ANHX: variants seen among roughly 807,000 people sequenced by gnomAD.
The protein encoded by ANHX is anomalous homeobox, also known as anomalous homeobox protein.
In ANHX, 20 loss-of-function variants were observed where a neutral mutation model predicts 38.9. The observed-to-expected ratio is 0.51, with a 90% CI of 0.36 to 0.75. ANHX has a LOEUF of 0.75. Among genes scored for constraint, ANHX ranks in the 30% least tolerant of loss-of-function variants. ANHX has a pLI of 0.00. For missense variants in ANHX, 475 were observed against 493.1 expected, an observed-to-expected ratio of 0.96 and a Z score of 0.35; for synonymous variants, 185 against 203.1, an observed-to-expected ratio of 0.91 and a Z score of 0.76.
chr12:133,231,511 G>A lies in ANHX; in HGVS notation c.377+6C>T. The A allele has an allele frequency of 3.3e-6, 5 of 1,536,114 alleles. No individual in the cohort carries two copies. The highest frequency in any genetic ancestry group is 2.0e-5 in the Admixed American group (1 of 50,996). The stretch of plus-strand genomic sequence containing the variant: ...AAATATGCACAAGTAAATGCTTGTA[G>A]GTTACCTCTTCCTGCAGCGGAACTT... On this transcript the variant is annotated splice_donor_region_variant and intron_variant, in intron 3 of 9. Transcript: ENST00000545940.
chr12:133,222,000 G>T lies in ANHX; in HGVS notation c.1133-648C>A, dbSNP rs992283825. On this transcript the variant is annotated intron_variant, in intron 7 of 9. Coordinates refer to ENST00000545940, the MANE Select transcript of ANHX (RefSeq NM_001372060.1). This position sits in a 1 kb window ranked among gnomAD's most constrained non-coding sequence, Gnocchi z 4.1. ...AAGATGGCCCTGATCTCAAGACATG[G>T]AACAAGCGGCCTGGGGGTGAGGCTC... Among the ~76,000 whole-genome samples, 13 of 152,122 alleles carry T rather than the reference G, an allele frequency of 8.5e-5. No individual in the cohort carries two copies. The highest frequency in any genetic ancestry group is 4.4e-5 in the Non-Finnish European group (3 of 68,028).
At chr12:133,219,500 C>T (rs1466559487) in intron 8 of ANHX, 133 bp from the exon 9 acceptor site, 2 of 635,152 alleles carry the variant, frequency 3.1e-6, no homozygotes, top group Non-Finnish European at 5.4e-6. Context: ...GACTCTCTTC[C>T]TGCAGGGCTG....
At chr12:133,226,504 G>A (rs1957191393) in intron 5 of ANHX, 66 bp from the exon 6 acceptor site, 4 of 1,482,324 alleles carry the variant, frequency 2.7e-6, no homozygotes, top group Non-Finnish European at 3.6e-6. Flanking sequence ...TTCCCATCAG[G>A]TATGAGCAGC....
Position 133,234,289 on chromosome 12 carries a change from G to A in ANHX, c.68C>T (p.Thr23Ile). ...DTCAPPAELV[T>I]LAGRLCRDFQ... ...GTCCCGGCACAGTCTGCCCGCAAGG[G>A]TCACCAGCTCCGCCGGGGGTGCACA... The change falls in exon 2 of 10, where the codon ACC becomes ATC. Residue 23 changes from threonine to isoleucine, a missense_variant. Thr to Ile is a moderately conservative substitution (Grantham distance 89, BLOSUM62 -1). Transcript: ENST00000545940. The A allele has an allele frequency of 2.0e-6, 3 of 1,536,184 alleles. No homozygotes were observed. The highest frequency in any genetic ancestry group is 2.7e-5 in the African/African-American group (2 of 73,190).
intron 7 of ANHX, among the ~76,000 whole-genome samples, chr12:133,225,008 G>A (rs952437260): frequency 6.6e-6 from 1 of 151,878 alleles, no homozygotes; most frequent in African/African-American, 2.4e-5. Flanking sequence ...AGAAATTTGG[G>A]TGAATTCATA....
intron 8 of ANHX, 74 bp from the exon 9 acceptor site, chr12:133,219,441 C>A: frequency 9.8e-7 from 1 of 1,020,046 alleles, no homozygotes; most frequent in African/African-American, 1.6e-5. Flanking sequence ...CCCAGCTGTG[C>A]TTTCTCCCTC....
intron 1 of ANHX, chr12:133,234,704 T>C: frequency 3.7e-6 from 1 of 269,214 alleles, no homozygotes; most frequent in South Asian, 6.1e-5. Context: ...CACCAGTGGA[T>C]GCCAAGGCCT....
chr12:133,235,596 CG>C (rs1367106103), intron 1 of ANHX: 2 of 151,256 alleles, frequency 1.3e-5, no homozygotes, highest in African/African-American at 4.9e-5. Flanking sequence ...CCTCACCCTC[CG>C]GGGCCCCCCT....
rs1002265314 is a variant in ANHX at position 133,218,330 on chromosome 12, A to G, written c.*555T>C. The G allele has an allele frequency of 6.6e-6, 1 of 152,254 alleles. No homozygotes were observed. The highest frequency in any genetic ancestry group is 2.4e-5 in the African/African-American group (1 of 41,438). The allele number at this position is 152,254 out of a possible 1,614,324, so 9.4% of individuals were successfully genotyped here. A position where few individuals can be genotyped will look rare whatever the true frequency, so the allele number is the denominator to read the frequency against. ...ACAAGGGGGGAGTTCAAAACATTAA[A>G]CTTTAATTGACTACAACATTTGTGT... On this transcript the variant is annotated 3_prime_UTR_variant, in exon 10 of 10. Coordinates refer to ENST00000545940, the MANE Select transcript of ANHX (RefSeq NM_001372060.1).
chr12:133,226,341 T>C lies in ANHX; in HGVS notation c.816A>G (p.Thr272=), dbSNP rs1294487742. 6.5e-7 allele frequency: 1 copy of C among 1,536,152 alleles called. No individual in the cohort carries two copies. Among genetic ancestry groups the C allele is most frequent in the African/African-American group, 1.4e-5 (1 of 73,062 alleles). ...ALAPDFPADE[T]VSKPLDVRSL... ...ACCTGACATCCAGTGGCTTTGAGAC[T>C]GTCTCATCTGCGGGAAAGTCCGGGG... is the stretch of plus-strand genomic sequence containing the variant. The change falls in exon 6 of 10, where the codon ACA becomes ACG. Residue 272 remains threonine (T), a synonymous_variant. Coordinates refer to ENST00000545940, the MANE Select transcript of ANHX (RefSeq NM_001372060.1).
At chr12:133,225,310 TACATACACACACACAC>T (rs1015236751) in intron 7 of ANHX, among the ~76,000 whole-genome samples, 2 of 143,902 alleles carry the variant, frequency 1.4e-5, no homozygotes, top group African/African-American at 5.6e-5. Flanking sequence ...GTGATATGCA[TACATACACACACACAC>T]ACACACACAC....
chr12:133,232,665 G>T (rs192717597), intron 2 of ANHX, among the ~76,000 whole-genome samples: 410 of 152,274 alleles, frequency 2.7e-3, no homozygotes, highest in African/African-American at 9.0e-3. Context: ...CGTACCTGTG[G>T]GTCACCCTGA....
Position 133,224,834 on chromosome 12 carries a change from G to A in ANHX, c.1132+702C>T, listed in dbSNP as rs547651599. Among the ~76,000 whole-genome samples the A allele has an allele frequency of 2.9e-3, 442 of 151,140 alleles. 3 individuals are homozygous for A. The highest frequency in any genetic ancestry group is 0.01 in the African/African-American group (417 of 41,154). On this transcript the variant is annotated intron_variant, in intron 7 of 9. Coordinates refer to ENST00000545940, the MANE Select transcript of ANHX (RefSeq NM_001372060.1). ...ACAAAAAAATTAGCCAGGCGTGGTG[G>A]CGGGCGCCTGTAGTCCCAGCTACTC...
At chr12:133,231,989 C>A (rs1411129413) in intron 2 of ANHX, among the ~76,000 whole-genome samples, 3 of 152,186 alleles carry the variant, frequency 2.0e-5, no homozygotes, top group Non-Finnish European at 4.4e-5. Flanking sequence ...CAGCTCCCAG[C>A]TGTACCTCAA....
At chr12:133,235,486 C>T (rs1016560567) in intron 1 of ANHX, 1 of 152,272 alleles carries the variant, frequency 6.6e-6, no homozygotes, top group African/African-American at 2.4e-5. Flanking sequence ...CCCCAGCCCC[C>T]CTACCTTTCT....
chr12:133,226,582 G>A, intron 5 of ANHX, 144 bp from the exon 6 acceptor site: 5 of 1,256,706 alleles, frequency 4.0e-6, no homozygotes, highest in Non-Finnish European at 5.3e-6. Flanking sequence ...CCTGTCTTTG[G>A]TGTGAACCAA....
chr12:133,235,019 C>T (rs1957344476), intron 1 of ANHX: 1 of 152,518 alleles, frequency 6.6e-6, no homozygotes, highest in South Asian at 2.1e-4. Context: ...GTTTGTAAAT[C>T]CTCACAGCCG....
Position 133,218,901 on chromosome 12 carries a change from C to T in ANHX, c.1436G>A (p.Gly479Glu), listed in dbSNP as rs1739736525. 3 of 1,529,880 alleles carry T rather than the reference C, an allele frequency of 2.0e-6. No individual in the cohort carries two copies. The highest frequency in any genetic ancestry group is 4.0e-5 in the Admixed American group (2 of 50,588). 94.8% of individuals were successfully genotyped at this position (1,529,880 alleles called of 1,614,324 possible). Reference sequence around the variant, plus strand: ...GGGGATAGCTCAGCCCAGGCTGCTCCCTGAAAACTCAAGGAGCATCCTGGC... The same window carrying T: ...GGGGATAGCTCAGCCCAGGCTGCTCTCTGAAAACTCAAGGAGCATCCTGGC... ...WGARMLLEFSGSSLG is the reference protein window; with the variant it reads ...WGARMLLEFSESSLG Residue 479 changes from glycine (G) to glutamate (E), a missense_variant, in exon 10 of 10, where the codon GGG (glycine) becomes GAG (glutamate). Gly to Glu is a moderately conservative substitution (Grantham distance 98, BLOSUM62 -2). Coordinates refer to ENST00000545940, the MANE Select transcript of ANHX (RefSeq NM_001372060.1).
At chr12:133,234,868 C>A (rs1322595529) in intron 1 of ANHX, 10 of 157,314 alleles carry the variant, frequency 6.4e-5, no homozygotes, top group Admixed American at 6.1e-4. Context: ...CGGTGCCTCA[C>A]CTAAGGACAT....
Sources: gnomAD v4.1 joint callset for allele counts (sites outside exome capture counted in the v4.1 genomes callset) on GRCh38, gnomAD v4.1.1 for gene constraint, Gnocchi (gnomAD v3.1) non-coding constraint, MANE v1.5 for transcripts, NCBI Gene and HGNC (gene_info 2026-07-23, HGNC 2026-07-21) for gene names.